The following DMD variants were observed in gnomAD, a reference collection of about 807,000 sequenced individuals.
DMD encodes dystrophin.
A neutral mutation model predicts 330.1 loss-of-function variants in DMD; 63 were observed. That is an observed-to-expected ratio of 0.19 (90% CI 0.16 to 0.24). The LOEUF is 0.24. Among genes scored for constraint, DMD ranks in the 10% least tolerant of loss-of-function variants. The pLI, the probability that DMD is intolerant of heterozygous loss-of-function variation, is 1.00. For missense variants in DMD, 3,344 were observed against 2,684.1 expected, an observed-to-expected ratio of 1.25 and a Z score of -5.43; for synonymous variants, 1,223 against 959.8, an observed-to-expected ratio of 1.27 and a Z score of -5.07.
chrX:31,711,310 C>G (rs778043116), intron 52 of DMD, among the ~76,000 whole-genome samples: 4 of 111,329 alleles, frequency 3.6e-5, no homozygotes, highest in Non-Finnish European at 7.6e-5. Context: ...TATGTACCCC[C>G]TCCCATCTAA....
intron 1 of DMD, among the ~76,000 whole-genome samples, chrX:33,184,278 G>A (rs1166430265): frequency 1.8e-5 from 2 of 111,802 alleles, no homozygotes; most frequent in Admixed American, 9.5e-5. Flanking sequence ...AAAAGTACAT[G>A]CACACATTTA....
intron 2 of DMD, among the ~76,000 whole-genome samples, chrX:33,019,883 A>G (rs926542138): frequency 5.4e-5 from 6 of 111,390 alleles, no homozygotes; most frequent in African/African-American, 2.0e-4. Context: ...CTGAGGACTC[A>G]TGTCATTAAA....
intron 60 of DMD, among the ~76,000 whole-genome samples, chrX:31,415,814 A>G (rs1011507988): frequency 9.0e-5 from 10 of 110,766 alleles, no homozygotes; most frequent in African/African-American, 3.3e-4. Flanking sequence ...TGATGCTTGG[A>G]GCCCACCCCC....
chrX:32,837,502 C>T (rs969149233), intron 4 of DMD, among the ~76,000 whole-genome samples: 1 of 111,492 alleles, frequency 9.0e-6, no homozygotes, highest in Non-Finnish European at 1.9e-5. Context: ...TAATAGCCCT[C>T]TCCCCTTGAC....
intron 24 of DMD, among the ~76,000 whole-genome samples, chrX:32,464,164 A>T (rs750844429): frequency 3.2e-4 from 36 of 111,993 alleles, no homozygotes; most frequent in Non-Finnish European, 6.0e-4. Context: ...AATTTATCAT[A>T]AGAAATAACA....
chrX:33,237,486 C>T (rs2052509754), intron 1 of DMD, among the ~76,000 whole-genome samples: 1 of 110,749 alleles, frequency 9.0e-6, no homozygotes, highest in Admixed American at 9.6e-5. Flanking sequence ...CTCAAGTGAT[C>T]CACTCACCTT....
At chrX:32,253,672 G>A (rs1444395518) in intron 43 of DMD, among the ~76,000 whole-genome samples, 17 of 102,970 alleles carry the variant, frequency 1.7e-4, no homozygotes. Context: ...CACCCAGGCT[G>A]GAGTGCAGTG....
At chrX:31,476,324 GTATATATATGTGTATATCTA>G (rs1311840183) in intron 59 of DMD, among the ~76,000 whole-genome samples, 3 of 103,144 alleles carry the variant, frequency 2.9e-5, no homozygotes, top group East Asian at 6.2e-4. Context: ...ATATCTATGT[GTATATATATGTGTATATCTA>G]TGTATATATG....
Position 32,177,560 on chromosome X carries a change from G to A in DMD, c.6438+39356C>T, listed in dbSNP as rs138673894. Among the ~76,000 whole-genome samples, 25 of 110,963 alleles carry A rather than the reference G, an allele frequency of 2.3e-4. No homozygotes were observed. In the East Asian group the frequency reaches 6.9e-3, roughly 31 times the overall value. On this transcript the variant is annotated intron_variant, in intron 44 of 78. Transcript: ENST00000357033. ...ATATCACTTCTTCACAGAAGCTTTT[G>A]GTGACCCAGATACTAATTCAAATTT...
intron 59 of DMD, among the ~76,000 whole-genome samples, chrX:31,454,787 C>T (rs1368071607): frequency 9.1e-6 from 1 of 109,318 alleles, no homozygotes; most frequent in Non-Finnish European, 1.9e-5. Context: ...GGGCCTCTTT[C>T]TGTCGCCCAG....
At chrX:32,326,013 C>T (rs755659943) in intron 41 of DMD, among the ~76,000 whole-genome samples, 7 of 111,555 alleles carry the variant, frequency 6.3e-5, no homozygotes, top group African/African-American at 2.3e-4. Flanking sequence ...TTTTTGTTTG[C>T]ATTTGAAATG....
chrX:32,372,440 T>A (rs1177479088), intron 34 of DMD, among the ~76,000 whole-genome samples: 3 of 111,791 alleles, frequency 2.7e-5, no homozygotes, highest in Non-Finnish European at 3.8e-5. Context: ...ACTCTTCAGG[T>A]GCTAGTAATC....
intron 9 of DMD, among the ~76,000 whole-genome samples, chrX:32,655,786 A>G (rs937299667): frequency 1.8e-5 from 2 of 111,225 alleles, no homozygotes; most frequent in African/African-American, 6.5e-5. Context: ...GTCTCTTTGT[A>G]GGTCTATAAG....
chrX:31,440,981 G>C (rs1351822224), intron 60 of DMD, among the ~76,000 whole-genome samples: 2 of 112,066 alleles, frequency 1.8e-5, no homozygotes, highest in East Asian at 5.6e-4. Flanking sequence ...CATTTTGACT[G>C]ATATTACAGA....
intron 47 of DMD, among the ~76,000 whole-genome samples, chrX:31,876,795 T>A (rs1156514135): frequency 1.3e-4 from 15 of 111,635 alleles, no homozygotes; most frequent in Non-Finnish European, 9.4e-5. Flanking sequence ...GAGTTAAAAC[T>A]GGCATCCCAG....
intron 44 of DMD, among the ~76,000 whole-genome samples, chrX:32,182,823 T>C (rs1228833459): frequency 2.7e-5 from 3 of 111,786 alleles, no homozygotes; most frequent in African/African-American, 9.7e-5. Flanking sequence ...TAATTTAATG[T>C]GTAGTTTTCC....
intron 4 of DMD, among the ~76,000 whole-genome samples, chrX:32,834,023 T>G (rs2079383506): frequency 9.0e-6 from 1 of 111,464 alleles, no homozygotes; most frequent in Non-Finnish European, 1.9e-5. Flanking sequence ...GTTTAATGAA[T>G]ACGAGATTAT....
At chrX:32,504,329 A>G (rs1433773627) in intron 18 of DMD, among the ~76,000 whole-genome samples, 6 of 111,967 alleles carry the variant, frequency 5.4e-5, no homozygotes, top group Non-Finnish European at 1.1e-4. Context: ...ATATCTGTAC[A>G]AATGATAACA....
chrX:31,689,766 A>C (rs1246639538), intron 52 of DMD, among the ~76,000 whole-genome samples: 1 of 111,822 alleles, frequency 8.9e-6, no homozygotes, highest in Non-Finnish European at 1.9e-5. Context: ...TGGTACCAAA[A>C]CAGAGATATA....
Sources: allele counts gnomAD v4.1 joint callset (sites outside exome capture counted in the v4.1 genomes callset), GRCh38; gene constraint gnomAD v4.1.1; transcripts MANE v1.5; gene names NCBI Gene and HGNC (gene_info 2026-07-23, HGNC 2026-07-21).